The following RASGRF2 variants were observed in gnomAD, a reference collection of about 807,000 sequenced individuals.
RASGRF2 encodes ras-specific guanine nucleotide-releasing factor 2.
A neutral mutation model predicts 151.0 loss-of-function variants in RASGRF2; 76 were observed. The observed-to-expected ratio is 0.50, with a 90% CI of 0.42 to 0.61. The LOEUF is 0.61. Ranked by LOEUF, RASGRF2 falls within the 20% of genes least tolerant of loss-of-function variation. The pLI is 0.00. For missense variants in RASGRF2, 1,148 were observed against 1,564.6 expected, an observed-to-expected ratio of 0.73 and a Z score of 4.49; for synonymous variants, 504 against 566.5, an observed-to-expected ratio of 0.89 and a Z score of 1.57.
At chr5:81,206,729 C>T (rs1755515790) in intron 19 of RASGRF2, 116 bp from the exon 20 acceptor site, 1 of 815,920 alleles carries the variant, frequency 1.2e-6, no homozygotes, top group Non-Finnish European at 2.1e-6. Flanking sequence ...GCTGCATGGC[C>T]TTGTAGACCC....
chr5:80,984,554 G>T (rs1748417344), intron 1 of RASGRF2, among the ~76,000 whole-genome samples: 2 of 152,072 alleles, frequency 1.3e-5, no homozygotes, highest in African/African-American at 4.8e-5. Context: ...GTATTCCTTT[G>T]TTATTCTTCT....
intron 1 of RASGRF2, 33 bp downstream of exon 1, chr5:80,961,059 C>T: frequency 7.1e-7 from 1 of 1,417,322 alleles, no homozygotes; most frequent in East Asian, 2.6e-5. Flanking sequence ...GGTCTCCCAG[C>T]CTTGATCGCC....
At chr5:81,127,571 G>C (rs997099424) in intron 17 of RASGRF2, among the ~76,000 whole-genome samples, 1 of 152,004 alleles carries the variant, frequency 6.6e-6, no homozygotes, top group African/African-American at 2.4e-5. Context: ...CACATTCCTA[G>C]CTCTTTCTGA....
intron 2 of RASGRF2, among the ~76,000 whole-genome samples, chr5:81,050,371 A>AAT (rs1301288894): frequency 6.6e-6 from 1 of 152,186 alleles, no homozygotes; most frequent in Non-Finnish European, 1.5e-5. Flanking sequence ...GAAAATTTTA[A>AAT]ATATATACAG....
chr5:80,966,897 T>C (rs1015365952), intron 1 of RASGRF2, among the ~76,000 whole-genome samples: 1 of 152,228 alleles, frequency 6.6e-6, no homozygotes, highest in Non-Finnish European at 1.5e-5. Context: ...TGAGTTGGTC[T>C]GTGTTTATTT....
chr5:81,018,802 CTTTTTT>C (rs35247915), intron 1 of RASGRF2, among the ~76,000 whole-genome samples: 2 of 127,054 alleles, frequency 1.6e-5, no homozygotes, highest in Non-Finnish European at 1.7e-5. Flanking sequence ...TCCATCTGCA[CTTTTTT>C]TTTTTTTTTT....
At chr5:81,103,874 G>T (rs1288833810) in intron 12 of RASGRF2, among the ~76,000 whole-genome samples, 1 of 152,066 alleles carries the variant, frequency 6.6e-6, no homozygotes, top group Non-Finnish European at 1.5e-5. Context: ...TATATAGTGG[G>T]ATATATAGCA....
chr5:81,016,314 A>G (rs1406502003), intron 1 of RASGRF2, among the ~76,000 whole-genome samples: 1 of 152,200 alleles, frequency 6.6e-6, no homozygotes, highest in African/African-American at 2.4e-5. Flanking sequence ...ATAAATCTCA[A>G]TAGGCCTGGT....
intron 1 of RASGRF2, among the ~76,000 whole-genome samples, chr5:80,982,024 G>C (rs1329387471): frequency 2.0e-5 from 3 of 152,220 alleles, no homozygotes; most frequent in African/African-American, 4.8e-5. Flanking sequence ...TGGAGCACTA[G>C]AGTGATATGG....
At chr5:81,087,709 G>GC (rs1156765175) in intron 9 of RASGRF2, 1 of 314,900 alleles carries the variant, frequency 3.2e-6, no homozygotes, top group Non-Finnish European at 5.9e-6. Flanking sequence ...AGGGGAGAAT[G>GC]CCCCAGGCAA....
At position 81,155,826 on chromosome 5, in the gene RASGRF2, G is replaced by A. The variant is rs544779283; in HGVS notation, c.2687-24349G>A. On this transcript the variant is annotated intron_variant, in intron 17 of 26. Coordinates refer to ENST00000265080, the MANE Select transcript of RASGRF2 (RefSeq NM_006909.3). Reference sequence around the variant, plus strand: ...CAGGTATGTCTATAATGAGGGAGTCGGGTTATGGAAATTATATGGGGGATT... The same window carrying A: ...CAGGTATGTCTATAATGAGGGAGTCAGGTTATGGAAATTATATGGGGGATT... 1.3e-4 allele frequency among the ~76,000 whole-genome samples: 20 copies of A among 152,278 alleles called. No individual in the cohort carries two copies. In the South Asian group the frequency reaches 3.3e-3, roughly 25 times the overall value.
intron 17 of RASGRF2, among the ~76,000 whole-genome samples, chr5:81,165,094 C>T (rs1754475707): frequency 1.3e-5 from 2 of 152,110 alleles, no homozygotes; most frequent in South Asian, 4.1e-4. Flanking sequence ...GGGCGTTTTC[C>T]AGGGGCTTAA....
chr5:81,034,414 A>G (rs1750389201), intron 1 of RASGRF2, among the ~76,000 whole-genome samples: 1 of 151,714 alleles, frequency 6.6e-6, no homozygotes, highest in Non-Finnish European at 1.5e-5. Flanking sequence ...ATCTAGAACT[A>G]GAAATACCAT....
At chr5:81,099,617 A>G (rs958399522) in intron 12 of RASGRF2, among the ~76,000 whole-genome samples, 11 of 152,342 alleles carry the variant, frequency 7.2e-5, no homozygotes, top group African/African-American at 2.6e-4. Flanking sequence ...TCAACAAGGT[A>G]TCTATGTAAC....
chr5:81,042,314 A>C (rs1164158596), intron 1 of RASGRF2, among the ~76,000 whole-genome samples: 1 of 152,216 alleles, frequency 6.6e-6, no homozygotes, highest in Non-Finnish European at 1.5e-5. Flanking sequence ...GCATTCTGGA[A>C]TACTGTGTTG....
chr5:81,209,293 C>A (rs144095185), intron 22 of RASGRF2, among the ~76,000 whole-genome samples: 1 of 152,104 alleles, frequency 6.6e-6, no homozygotes, highest in African/African-American at 2.4e-5. Flanking sequence ...TATACCTCCC[C>A]GCTCTTCCTT....
At chr5:81,116,748 CTTTAAG>C (rs1471904001) in intron 15 of RASGRF2, among the ~76,000 whole-genome samples, 1 of 152,136 alleles carries the variant, frequency 6.6e-6, no homozygotes, top group Non-Finnish European at 1.5e-5. Context: ...GATTTGACTG[CTTTAAG>C]TTTAAGTACC....
intron 18 of RASGRF2, chr5:81,183,367 A>C: frequency 1.1e-6 from 1 of 941,834 alleles, no homozygotes; most frequent in Non-Finnish European, 1.3e-6. Context: ...CAGGAGAATT[A>C]AAAAGTTGCA....
At chr5:81,150,213 A>G (rs1754102216) in intron 17 of RASGRF2, among the ~76,000 whole-genome samples, 2 of 152,198 alleles carry the variant, frequency 1.3e-5, no homozygotes, top group African/African-American at 4.8e-5. Flanking sequence ...AAGAGTGGTC[A>G]AGAGAGTGAA....
Sources: allele counts gnomAD v4.1 joint callset (sites outside exome capture counted in the v4.1 genomes callset), GRCh38; gene constraint gnomAD v4.1.1; transcripts MANE v1.5; gene names NCBI Gene and HGNC (gene_info 2026-07-23, HGNC 2026-07-21).